The following RICTOR variants were observed in gnomAD, a reference collection of about 807,000 sequenced individuals.
RICTOR encodes the protein rapamycin-insensitive companion of mTOR.
Under a neutral mutation model 214.9 loss-of-function variants are expected in RICTOR, and 49 were observed. The ratio of observed to expected loss-of-function variants is 0.23; its 90% CI spans 0.18 to 0.29. The LOEUF is 0.29. Among genes scored for constraint, RICTOR ranks in the 10% least tolerant of loss-of-function variants. The probability of loss-of-function intolerance (pLI) is 1.00; values close to 1 mark genes in which losing one functional copy is unlikely to be tolerated. For missense variants in RICTOR, 1,625 were observed against 2,047.0 expected (o/e 0.79, Z 3.98); for synonymous variants, 717 against 711.3 (o/e 1.01, Z -0.13).
In RICTOR at chr5:38,959,340, T is replaced by A. The variant is rs758488931; in HGVS notation, c.2052-19A>T. 5 of 1,343,352 alleles carry A rather than the reference T, an allele frequency of 3.7e-6. No individual in the cohort carries two copies. The highest frequency in any genetic ancestry group is 4.6e-5 in the Admixed American group (2 of 43,460). The allele number at this position is 1,343,352 out of a possible 1,614,324, so 83.2% of individuals were successfully genotyped here. Reference sequence around the variant, plus strand: ...AAGGAGACTTAAAAGAAAAAAAAAATAAGAATGGTTAAAAGAAATTACTAT... The same window carrying A: ...AAGGAGACTTAAAAGAAAAAAAAAAAAAGAATGGTTAAAAGAAATTACTAT... On this transcript the variant is annotated intron_variant, in intron 21 of 37. Coordinates refer to ENST00000357387, the MANE Select transcript of RICTOR (RefSeq NM_152756.5).
chr5:39,053,339 G>A (rs559470628), intron 2 of RICTOR, among the ~76,000 whole-genome samples: 12 of 152,048 alleles, frequency 7.9e-5, no homozygotes, highest in Non-Finnish European at 1.2e-4. Flanking sequence ...CTCTAGTGTC[G>A]GCCCTAGTGC....
intron 37 of RICTOR, 90 bp downstream of exon 37, chr5:38,942,743 A>C: frequency 9.3e-7 from 1 of 1,077,690 alleles, no homozygotes; most frequent in Non-Finnish European, 1.4e-6. Flanking sequence ...GGCATGAGTC[A>C]CCACACCCAG....
At chr5:39,073,088 C>T (rs539692047) in intron 2 of RICTOR, among the ~76,000 whole-genome samples, 3 of 152,318 alleles carry the variant, frequency 2.0e-5, no homozygotes, top group South Asian at 2.1e-4. Context: ...TCAGGTACGA[C>T]ATAGGGTAAA....
At chr5:39,053,438 C>T (rs1015752442) in intron 2 of RICTOR, among the ~76,000 whole-genome samples, 7 of 152,162 alleles carry the variant, frequency 4.6e-5, no homozygotes, top group African/African-American at 1.7e-4. Context: ...TCTACCACAA[C>T]GGCTCATGTA....
Position 38,990,727 on chromosome 5 carries a change from C to CAG in RICTOR, c.583+221_583+222insCT, listed in dbSNP as rs1401844683. 2.8e-3 allele frequency among the ~76,000 whole-genome samples: 8 copies of CAG among 2,884 alleles called. 1 individual carries two copies. The highest frequency in any genetic ancestry group is 4.2e-3 in the African/African-American group (8 of 1,922). 1.9% of individuals were successfully genotyped at this position (2,884 alleles called of 152,430 possible). On this transcript the variant is annotated intron_variant, in intron 7 of 37. Transcript: ENST00000357387. ...CAGATATGATATATATGATATATAT[C>CAG]ATATATATGATATATATGAGATATA...
At chr5:38,988,885 C>T (rs186985796) in intron 7 of RICTOR, among the ~76,000 whole-genome samples, 1 of 152,302 alleles carries the variant, frequency 6.6e-6, no homozygotes, top group East Asian at 1.9e-4. Flanking sequence ...AATGGAAGAA[C>T]ATTCCATGCT....
Position 39,002,539 on chromosome 5 carries a change from C to A in RICTOR, c.388G>T (p.Ala130Ser). 1 of 1,593,078 alleles carries A rather than the reference C, an allele frequency of 6.3e-7. No individual in the cohort carries two copies. Among genetic ancestry groups the A allele is most frequent in the Non-Finnish European group, 8.5e-7 (1 of 1,171,802 alleles). Residue 130 changes from alanine (A) to serine (S), a missense_variant, in exon 5 of 38, where the codon GCT (alanine) becomes TCT (serine). Ala to Ser is a moderately conservative substitution (Grantham distance 99). This residue lies in a region of RICTOR where 258 missense variants were observed against 393.7 expected (regional missense o/e 0.66). Coordinates refer to ENST00000357387, the MANE Select transcript of RICTOR (RefSeq NM_152756.5). Reference sequence around the variant, plus strand: ...AAACAAGTCTAGGAAATTTACCTAGCTATTAAATAGTCCACTTTCAATTTT... The same window carrying A: ...AAACAAGTCTAGGAAATTTACCTAGATATTAAATAGTCCACTTTCAATTTT... ...VLKLKVDYLI[A>S]RCIDIQQSNE...
rs533954404 is a variant in RICTOR, at chr5:38,956,867, G to A, written c.2499+785C>T. Among the ~76,000 whole-genome samples the A allele has an allele frequency of 7.0e-4, 107 of 152,164 alleles. 1 individual carries two copies. In the South Asian group the frequency reaches 9.3e-3, roughly 13 times the overall value. ...AATACTAAAAGACTTCATGCCTTAAGTTGTATGCTTGGAAGTTTTAGTCCA... is the reference window on the plus strand; with the variant it reads ...AATACTAAAAGACTTCATGCCTTAAATTGTATGCTTGGAAGTTTTAGTCCA... On this transcript the variant is annotated intron_variant, in intron 25 of 37. Coordinates refer to ENST00000357387, the MANE Select transcript of RICTOR (RefSeq NM_152756.5).
intron 33 of RICTOR, among the ~76,000 whole-genome samples, chr5:38,946,260 C>A (rs1371868768): frequency 6.6e-6 from 1 of 152,130 alleles, no homozygotes; most frequent in Non-Finnish European, 1.5e-5. Flanking sequence ...AGGTTGAGTA[C>A]TTCACTGAAA....
intron 2 of RICTOR, among the ~76,000 whole-genome samples, chr5:39,070,756 A>G (rs988037444): frequency 5.9e-5 from 9 of 152,228 alleles, no homozygotes; most frequent in Non-Finnish European, 7.3e-5. Context: ...TATCTTTTCA[A>G]GTGATTCAGT....
At chr5:38,979,436 A>G (rs1438682208) in intron 8 of RICTOR, among the ~76,000 whole-genome samples, 2 of 152,222 alleles carry the variant, frequency 1.3e-5, no homozygotes, top group African/African-American at 4.8e-5. Context: ...TTTTAAATCT[A>G]GTCATATATT....
intron 2 of RICTOR, among the ~76,000 whole-genome samples, chr5:39,034,843 G>T (rs12659517): frequency 6.6e-6 from 1 of 152,080 alleles, no homozygotes; most frequent in East Asian, 1.9e-4. Flanking sequence ...GGAGCCCACC[G>T]CAGCTCAAGG....
chr5:39,037,832 T>G (rs1290318564), intron 2 of RICTOR, among the ~76,000 whole-genome samples: 1 of 152,116 alleles, frequency 6.6e-6, no homozygotes, highest in African/African-American at 2.4e-5. Flanking sequence ...AATTAGTAGC[T>G]TACCAACCAA....
At chr5:38,996,462 T>G (rs1366929472) in intron 6 of RICTOR, among the ~76,000 whole-genome samples, 1 of 152,246 alleles carries the variant, frequency 6.6e-6, no homozygotes, top group East Asian at 1.9e-4. Flanking sequence ...TTTAATACTA[T>G]TAACTCTAAG....
chr5:39,038,453 T>A (rs919317076), intron 2 of RICTOR, among the ~76,000 whole-genome samples: 1 of 152,162 alleles, frequency 6.6e-6, no homozygotes, highest in African/African-American at 2.4e-5. Flanking sequence ...CAACATAGTG[T>A]TGGAAGTTCT....
At chr5:39,013,603 T>A (rs1754712600) in intron 3 of RICTOR, among the ~76,000 whole-genome samples, 1 of 152,114 alleles carries the variant, frequency 6.6e-6, no homozygotes, top group African/African-American at 2.4e-5. Context: ...GAAGGTTAAA[T>A]AGTTGTAAAT....
rs1193199301 is a variant in RICTOR at position 38,942,133 on chromosome 5, T to C, written c.*171A>G. On this transcript the variant is annotated 3_prime_UTR_variant, in exon 38 of 38. Coordinates refer to ENST00000357387, the MANE Select transcript of RICTOR (RefSeq NM_152756.5). The stretch of plus-strand genomic sequence containing the variant: ...CAACAAAGGAGAGAAGGAAGTTGTT[T>C]TGGTTAGGAAAGTCAGCAGTTCCAA... 2 of 418,582 alleles carry C rather than the reference T, an allele frequency of 4.8e-6. No homozygotes were observed. The highest frequency in any genetic ancestry group is 4.4e-6 in the Non-Finnish European group (1 of 228,430). The allele number at this position is 418,582 out of a possible 1,614,324, so 25.9% of individuals were successfully genotyped here.
intron 10 of RICTOR, among the ~76,000 whole-genome samples, chr5:38,975,253 T>A (rs1283906581): frequency 6.6e-6 from 1 of 152,122 alleles, no homozygotes; most frequent in African/African-American, 2.4e-5. Context: ...TTGGTAAAGA[T>A]CATGCTTAAA....
chr5:38,983,961 T>C (rs930703462), intron 7 of RICTOR, among the ~76,000 whole-genome samples: 9 of 152,074 alleles, frequency 5.9e-5, no homozygotes, highest in African/African-American at 2.2e-4. Flanking sequence ...TGAGACTCCA[T>C]CTCAAAAACA....
Sources: gnomAD v4.1 joint callset for allele counts (sites outside exome capture counted in the v4.1 genomes callset) on GRCh38, gnomAD v4.1.1 for gene constraint, gnomAD v4.1.1 regional missense constraint, MANE v1.5 for transcripts, NCBI Gene and HGNC (gene_info 2026-07-23, HGNC 2026-07-21) for gene names.